The following NRG3 variants were observed in gnomAD, a reference collection of about 807,000 sequenced individuals.
The protein encoded by NRG3 is pro-neuregulin-3, membrane-bound isoform.
Under a neutral mutation model 66.9 loss-of-function variants are expected in NRG3, and 31 were observed. The observed-to-expected ratio is 0.46, with a 90% CI of 0.35 to 0.63. NRG3 has a LOEUF of 0.63. NRG3 is among the 20% of genes least tolerant of loss of function. NRG3 has a pLI of 0.00. For synonymous variants in NRG3, 393 were observed against 359.4 expected (o/e 1.09, Z -1.06); for missense variants, 910 against 878.9 (o/e 1.04, Z -0.45).
chr10:82,233,335 A>G (rs1159212605), intron 1 of NRG3, among the ~76,000 whole-genome samples: 1 of 152,236 alleles, frequency 6.6e-6, no homozygotes, highest in African/African-American at 2.4e-5. Flanking sequence ...ACTGCACTCC[A>G]GCCTGGGCGA....
At chr10:82,739,062 C>T (rs532392602) in intron 3 of NRG3, among the ~76,000 whole-genome samples, 2 of 152,310 alleles carry the variant, frequency 1.3e-5, no homozygotes, top group East Asian at 1.9e-4. Flanking sequence ...AGTATTAAAC[C>T]ATACCTTACT....
intron 2 of NRG3, among the ~76,000 whole-genome samples, chr10:82,700,990 G>T (rs182685581): frequency 9.0e-4 from 137 of 151,870 alleles, no homozygotes; most frequent in African/African-American, 3.1e-3. Context: ...TGGGAGATTT[G>T]GTAAGGAATT....
intron 1 of NRG3, among the ~76,000 whole-genome samples, chr10:82,169,938 G>C (rs192658265): frequency 6.7e-6 from 1 of 148,150 alleles, no homozygotes; most frequent in African/African-American, 2.5e-5. Context: ...TAGCCTACTT[G>C]TGTGTAAACA....
At chr10:82,848,312 A>G (rs1252998502) in intron 3 of NRG3, among the ~76,000 whole-genome samples, 1 of 152,220 alleles carries the variant, frequency 6.6e-6, no homozygotes, top group East Asian at 1.9e-4. Context: ...ATGTGAGGAC[A>G]TGGATTCAAA....
intron 2 of NRG3, among the ~76,000 whole-genome samples, chr10:82,502,401 C>G (rs752954818): frequency 3.3e-5 from 5 of 152,142 alleles, no homozygotes; most frequent in Admixed American, 1.3e-4. Context: ...TGTGTTTTCC[C>G]TCAGATACAT....
chr10:82,136,679 T>A (rs968671542), intron 1 of NRG3, among the ~76,000 whole-genome samples: 1 of 152,150 alleles, frequency 6.6e-6, no homozygotes, highest in Non-Finnish European at 1.5e-5. Context: ...TGGCAAGTAC[T>A]GCCTAGCTAT....
chr10:82,510,813 C>T (rs1845099983), intron 2 of NRG3, among the ~76,000 whole-genome samples: 1 of 152,124 alleles, frequency 6.6e-6, no homozygotes, highest in Admixed American at 6.5e-5. Flanking sequence ...CAATGCATCC[C>T]ATTGAGATCG....
At chr10:82,522,586 G>A (rs1432691670) in intron 2 of NRG3, among the ~76,000 whole-genome samples, 1 of 151,966 alleles carries the variant, frequency 6.6e-6, no homozygotes, top group Non-Finnish European at 1.5e-5. Flanking sequence ...TGCATATGTT[G>A]TTTGCAAAAT....
intron 2 of NRG3, among the ~76,000 whole-genome samples, chr10:82,708,967 C>T (rs893701430): frequency 6.6e-6 from 1 of 152,050 alleles, no homozygotes; most frequent in Admixed American, 6.6e-5. Context: ...CCCTGAGCAG[C>T]CACTTTATAA....
intron 2 of NRG3, among the ~76,000 whole-genome samples, chr10:82,670,492 T>C (rs565775375): frequency 2.0e-5 from 3 of 152,244 alleles, no homozygotes; most frequent in Admixed American, 2.0e-4. Context: ...ACAAGTATGG[T>C]TGTAGAGTTT....
At chr10:82,146,170 T>A (rs2070239095) in intron 1 of NRG3, among the ~76,000 whole-genome samples, 1 of 152,212 alleles carries the variant, frequency 6.6e-6, no homozygotes, top group South Asian at 2.1e-4. Context: ...TGCTTTTGTT[T>A]CTATCAAAGA....
intron 2 of NRG3, among the ~76,000 whole-genome samples, chr10:82,649,720 C>G (rs1591020233): frequency 6.6e-6 from 1 of 152,006 alleles, no homozygotes; most frequent in South Asian, 2.1e-4. Flanking sequence ...TCCCAAAGTG[C>G]TGGGATTATA....
chr10:82,150,559 A>G (rs925486937), intron 1 of NRG3, among the ~76,000 whole-genome samples: 4 of 151,524 alleles, frequency 2.6e-5, no homozygotes, highest in Non-Finnish European at 5.9e-5. Context: ...AAAAAAGTCA[A>G]AAACAAAGCA....
At chr10:82,715,742 C>T (rs1435013871) in intron 2 of NRG3, among the ~76,000 whole-genome samples, 1 of 152,120 alleles carries the variant, frequency 6.6e-6, no homozygotes, top group Non-Finnish European at 1.5e-5. Context: ...TATGAACATA[C>T]TTTGTTAGTT....
chr10:82,062,130 A>C (rs983065256), intron 1 of NRG3, among the ~76,000 whole-genome samples: 1 of 152,140 alleles, frequency 6.6e-6, no homozygotes, highest in African/African-American at 2.4e-5. Context: ...GGGTGATCCA[A>C]GCAGCCCGGG....
intron 2 of NRG3, among the ~76,000 whole-genome samples, chr10:82,532,483 C>T (rs1047912313): frequency 6.8e-6 from 1 of 147,216 alleles, no homozygotes; most frequent in African/African-American, 2.5e-5. Context: ...ATATATAGTA[C>T]TCTCTATATA....
intron 1 of NRG3, among the ~76,000 whole-genome samples, chr10:82,108,477 G>A (rs2067197260): frequency 6.6e-6 from 1 of 152,154 alleles, no homozygotes; most frequent in Non-Finnish European, 1.5e-5. Flanking sequence ...ATGCATGGAT[G>A]CCTGTCTCTC....
rs186035650 is a variant in NRG3 at position 82,429,874 on chromosome 10, C to T, written c.953+71006C>T. On this transcript the variant is annotated intron_variant, in intron 2 of 8. Coordinates refer to ENST00000372141, the MANE Select transcript of NRG3 (RefSeq NM_001010848.4). Reference sequence around the variant, plus strand: ...TCAATGGATCTATCTTTAAGTTCACCGGTTCATTATTCTGACAGTTGAAAT... The same window carrying T: ...TCAATGGATCTATCTTTAAGTTCACTGGTTCATTATTCTGACAGTTGAAAT... Among the ~76,000 whole-genome samples the T allele has an allele frequency of 1.3e-4, 20 of 152,086 alleles. No homozygotes were observed. The East Asian group carries it at 3.1e-3, about 24-fold the overall frequency.
intron 3 of NRG3, among the ~76,000 whole-genome samples, chr10:82,759,830 A>T (rs2059230766): frequency 6.6e-6 from 1 of 152,090 alleles, no homozygotes; most frequent in Non-Finnish European, 1.5e-5. Context: ...AATCCATTAT[A>T]ATAATAATCA....
Sources: gnomAD v4.1 joint callset for allele counts (sites outside exome capture counted in the v4.1 genomes callset) on GRCh38, gnomAD v4.1.1 for gene constraint, MANE v1.5 for transcripts, NCBI Gene and HGNC (gene_info 2026-07-23, HGNC 2026-07-21) for gene names.